The following PDE4D variants were observed in gnomAD, a reference collection of about 807,000 sequenced individuals.
PDE4D encodes the protein phosphodiesterase 4D, also known as 3',5'-cyclic-AMP phosphodiesterase 4D.
In PDE4D, 24 loss-of-function variants were observed where a neutral mutation model predicts 87.4. The observed-to-expected ratio is 0.27, with a 90% CI of 0.20 to 0.39. The LOEUF (loss-of-function observed/expected upper bound fraction) is 0.39, where lower values mean the gene tolerates loss of function less well. Among genes scored for constraint, PDE4D ranks in the 10% least tolerant of loss-of-function variants. The pLI, the probability that PDE4D is intolerant of heterozygous loss-of-function variation, is 1.00. For synonymous variants in PDE4D, 384 were observed against 383.2 expected (o/e 1.00, Z -0.02); for missense variants, 714 against 1,041.0 (o/e 0.69, Z 4.32).
At chr5:59,241,469 C>A (rs895896323) in intron 1 of PDE4D, among the ~76,000 whole-genome samples, 4 of 152,196 alleles carry the variant, frequency 2.6e-5, no homozygotes, top group Non-Finnish European at 5.9e-5. Context: ...CTGACATATT[C>A]TTTACAAAGT....
intron 2 of PDE4D, among the ~76,000 whole-genome samples, chr5:60,007,911 T>G (rs1259113585): frequency 6.6e-6 from 1 of 151,962 alleles, no homozygotes; most frequent in Non-Finnish European, 1.5e-5. Flanking sequence ...ATATTCTAGC[T>G]GCTCCTGGAA....
intron 1 of PDE4D, among the ~76,000 whole-genome samples, chr5:59,584,508 C>T (rs144728678): frequency 7.9e-5 from 12 of 152,310 alleles, no homozygotes; most frequent in African/African-American, 2.9e-4. Flanking sequence ...GGACTCTCAA[C>T]TTCTCCATAC....
At chr5:59,358,347 A>C (rs1562025899) in intron 1 of PDE4D, among the ~76,000 whole-genome samples, 1 of 152,166 alleles carries the variant, frequency 6.6e-6, no homozygotes. Flanking sequence ...TTCTCCCTGA[A>C]TCAACTTGCA....
intron 1 of PDE4D, among the ~76,000 whole-genome samples, chr5:60,205,112 T>C (rs1742345778): frequency 6.6e-6 from 1 of 152,158 alleles, no homozygotes; most frequent in African/African-American, 2.4e-5. Context: ...AGAGCTCCTT[T>C]AAGCCTGCAA....
intron 2 of PDE4D, among the ~76,000 whole-genome samples, chr5:60,034,670 G>C (rs979579806): frequency 6.6e-6 from 1 of 152,110 alleles, no homozygotes; most frequent in Non-Finnish European, 1.5e-5. Flanking sequence ...GATATCTTTT[G>C]AGGACCATTA....
chr5:59,137,687 T>A (rs545507114), intron 5 of PDE4D, among the ~76,000 whole-genome samples: 1 of 152,148 alleles, frequency 6.6e-6, no homozygotes, highest in East Asian at 1.9e-4. Flanking sequence ...CCACCACGCG[T>A]GGCTAATTTT....
intron 1 of PDE4D, among the ~76,000 whole-genome samples, chr5:60,519,848 A>G (rs1750957993): frequency 1.3e-5 from 2 of 152,232 alleles, no homozygotes; most frequent in Admixed American, 1.3e-4. Context: ...GAAATAATTA[A>G]TTACTATCCT....
intron 1 of PDE4D, among the ~76,000 whole-genome samples, chr5:59,802,725 G>T (rs1581178126): frequency 6.6e-6 from 1 of 152,004 alleles, no homozygotes; most frequent in African/African-American, 2.4e-5. Flanking sequence ...CAAGAAGCAA[G>T]AATTCATTTT....
intron 2 of PDE4D, among the ~76,000 whole-genome samples, chr5:60,037,590 G>A (rs926346163): frequency 6.6e-6 from 1 of 152,174 alleles, no homozygotes; most frequent in Non-Finnish European, 1.5e-5. Context: ...GCAAACAAGA[G>A]GGAGAGTGAT....
intron 1 of PDE4D, among the ~76,000 whole-genome samples, chr5:59,646,765 G>A (rs960746493): frequency 3.9e-5 from 6 of 152,124 alleles, no homozygotes; most frequent in African/African-American, 1.4e-4. Context: ...GCCGGGTGCG[G>A]TAGCTCACAC....
intron 1 of PDE4D, among the ~76,000 whole-genome samples, chr5:59,885,595 G>A (rs889836827): frequency 6.6e-6 from 1 of 152,124 alleles, no homozygotes; most frequent in African/African-American, 2.4e-5. Context: ...TAAGAAATGT[G>A]TGCCTACCTC....
intron 1 of PDE4D, among the ~76,000 whole-genome samples, chr5:59,701,509 T>G (rs1331243610): frequency 2.0e-5 from 3 of 152,244 alleles, no homozygotes; most frequent in Non-Finnish European, 4.4e-5. Context: ...AGTGAATGAA[T>G]GCTTTTCTCT....
chr5:60,081,383 A>G lies in PDE4D; in HGVS notation c.43-92666T>C, dbSNP rs377069695. Among the ~76,000 whole-genome samples, 59 of 139,666 alleles carry G rather than the reference A, an allele frequency of 4.2e-4. 1 individual carries two copies. In the South Asian group the frequency reaches 6.1e-3, roughly 14 times the overall value. The allele number at this position is 139,666 out of a possible 152,430, so 91.6% of individuals were successfully genotyped here. On this transcript the variant is annotated intron_variant, in intron 2 of 16. Coordinates refer to the PDE4D transcript ENST00000502484. Reference sequence around the variant, plus strand: ...TTTTTGGAGAGTTTTTCATGTCTCTATCTCCTTCAATTCTTCTCTGATCTT... The same window carrying G: ...TTTTTGGAGAGTTTTTCATGTCTCTGTCTCCTTCAATTCTTCTCTGATCTT...
At chr5:59,373,524 T>A (rs931293230) in intron 1 of PDE4D, among the ~76,000 whole-genome samples, 1 of 151,412 alleles carries the variant, frequency 6.6e-6, no homozygotes, top group Non-Finnish European at 1.5e-5. Flanking sequence ...CCGAGAAATA[T>A]GAGATTATGT....
At chr5:59,665,909 C>A (rs1399578743) in intron 1 of PDE4D, among the ~76,000 whole-genome samples, 1 of 152,176 alleles carries the variant, frequency 6.6e-6, no homozygotes, top group East Asian at 1.9e-4. Context: ...ACTTTGGACT[C>A]CCCAGCCTCC....
intron 3 of PDE4D, among the ~76,000 whole-genome samples, chr5:59,947,748 C>G (rs1003302068): frequency 7.9e-5 from 12 of 152,210 alleles, no homozygotes; most frequent in African/African-American, 2.7e-4. Flanking sequence ...GTGGCCCATG[C>G]CTGTAATCCC....
At chr5:59,386,721 AAG>A (rs1787128619) in intron 1 of PDE4D, among the ~76,000 whole-genome samples, 3 of 131,522 alleles carry the variant, frequency 2.3e-5, no homozygotes, top group African/African-American at 7.9e-5. Flanking sequence ...GAGGGAAAGA[AAG>A]AGAAAGAGAA....
At chr5:59,738,542 A>T (rs1758401952) in intron 1 of PDE4D, among the ~76,000 whole-genome samples, 2 of 152,086 alleles carry the variant, frequency 1.3e-5, no homozygotes, top group African/African-American at 2.4e-5. Flanking sequence ...TAAACACATA[A>T]TAGTAGTTAC....
At chr5:60,090,066 A>G (rs1180493908) in intron 2 of PDE4D, among the ~76,000 whole-genome samples, 1 of 152,088 alleles carries the variant, frequency 6.6e-6, no homozygotes, top group Non-Finnish European at 1.5e-5. Flanking sequence ...TGACAGCTTC[A>G]CTGCTGAATT....
Sources: allele counts gnomAD v4.1 joint callset (sites outside exome capture counted in the v4.1 genomes callset), GRCh38; gene constraint gnomAD v4.1.1; transcripts MANE v1.5; gene names NCBI Gene and HGNC (gene_info 2026-07-23, HGNC 2026-07-21).